Variants in SLC25A48 observed in about 807,000 individuals in gnomAD.
SLC25A48 encodes CTC-321K16.1.
Under a neutral mutation model 32.2 loss-of-function variants are expected in SLC25A48, and 29 were observed. The ratio of observed to expected loss-of-function variants is 0.90; its 90% CI spans 0.67 to 1.23. SLC25A48 has a LOEUF of 1.23. Ranked by LOEUF, SLC25A48 falls within the 50% of genes most tolerant of loss-of-function variation. The pLI is 0.00. For synonymous variants in SLC25A48, 164 were observed against 172.3 expected, an observed-to-expected ratio of 0.95 and a Z score of 0.38; for missense variants, 399 against 422.7, an observed-to-expected ratio of 0.94 and a Z score of 0.49.
At chr5:135,744,493 C>G (rs1009857313) in intron 3 of SLC25A48, among the ~76,000 whole-genome samples, 11 of 84,052 alleles carry the variant, frequency 1.3e-4, no homozygotes, top group African/African-American at 4.0e-4. Context: ...CACGCATCAC[C>G]ATGCCAGCTA....
At position 135,658,308 on chromosome 5, in the gene SLC25A48, AAGGC is replaced by A. The variant is rs1322530575; in HGVS notation, c.-521+23355_-521+23358del. Among the ~76,000 whole-genome samples, 13 of 152,348 alleles carry A rather than the reference AAGGC, an allele frequency of 8.5e-5. No homozygotes were observed. In the South Asian group the frequency reaches 1.7e-3, roughly 19 times the overall value. On this transcript the variant is annotated intron_variant, in intron 3 of 10. Transcript: ENST00000646290. The stretch of plus-strand genomic sequence containing the variant: ...GCTCTGTGCAAGTCTGAAACCCAGC[AAGGC>A]AGTCATTAAATTTTAAAGCCCCAGA...
chr5:135,679,576 G>C (rs953107669), intron 3 of SLC25A48, among the ~76,000 whole-genome samples: 1 of 152,244 alleles, frequency 6.6e-6, no homozygotes, highest in African/African-American at 2.4e-5. Context: ...GGCATCTGCT[G>C]CAGGAAGGGG....
Position 135,592,662 on chromosome 5 carries a change from A to T in SLC25A48, c.-849+13065A>T, listed in dbSNP as rs868449508. ...GTGAGCGTGTGTGTATGTGTGTGTG[A>T]GAGAGAGATTGAGAGAGAGACAGTG... On this transcript the variant is annotated intron_variant, in intron 1 of 10. Coordinates refer to the SLC25A48 transcript ENST00000646290. Among the ~76,000 whole-genome samples the T allele has an allele frequency of 1.8e-4, 27 of 152,096 alleles. No individual in the cohort carries two copies. In the Middle Eastern group the frequency reaches 0.01, roughly 57 times the overall value.
At chr5:135,664,061 C>G (rs1660237115) in intron 3 of SLC25A48, among the ~76,000 whole-genome samples, 1 of 152,208 alleles carries the variant, frequency 6.6e-6, no homozygotes, top group Non-Finnish European at 1.5e-5. Flanking sequence ...TCCTCCCTCT[C>G]TGTTGCTAGG....
At chr5:135,586,744 G>T (rs1188338127) in intron 1 of SLC25A48, among the ~76,000 whole-genome samples, 1 of 152,186 alleles carries the variant, frequency 6.6e-6, no homozygotes, top group Non-Finnish European at 1.5e-5. Flanking sequence ...CCCTGTGTGT[G>T]TAGGGCAGGG....
intron 1 of SLC25A48, among the ~76,000 whole-genome samples, chr5:135,601,952 T>C (rs1751806774): frequency 2.0e-5 from 3 of 152,212 alleles, no homozygotes; most frequent in Admixed American, 1.3e-4. Context: ...TGCACAGGTT[T>C]ATAGTGAGGA....
intron 4 of SLC25A48, among the ~76,000 whole-genome samples, chr5:135,854,655 G>A (rs1760161956): frequency 6.6e-6 from 1 of 152,188 alleles, no homozygotes; most frequent in Non-Finnish European, 1.5e-5. Flanking sequence ...CTCATTTGAT[G>A]TTCTATCCAG....
intron 3 of SLC25A48, among the ~76,000 whole-genome samples, chr5:135,641,829 C>G (rs946144248): frequency 2.6e-5 from 4 of 152,198 alleles, no homozygotes; most frequent in African/African-American, 7.2e-5. Context: ...CACCATCATC[C>G]CCTTCATCAC....
At chr5:135,869,387 G>A (rs1223197868) in intron 4 of SLC25A48, among the ~76,000 whole-genome samples, 1 of 152,138 alleles carries the variant, frequency 6.6e-6, no homozygotes, top group Non-Finnish European at 1.5e-5. Context: ...GAATGAGAGA[G>A]AATTTCCTTA....
At chr5:135,820,214 A>G (rs1024848480) in intron 4 of SLC25A48, among the ~76,000 whole-genome samples, 4 of 152,222 alleles carry the variant, frequency 2.6e-5, no homozygotes, top group African/African-American at 7.2e-5. Flanking sequence ...ACATAACAGT[A>G]TACTACTCCT....
intron 1 of SLC25A48, 117 bp from the exon 2 acceptor site, chr5:135,842,299 C>T: frequency 9.5e-7 from 1 of 1,052,396 alleles, no homozygotes; most frequent in Non-Finnish European, 1.5e-6. Context: ...CCACCCACTC[C>T]CCCTACCCCA....
rs72667123 is a variant in SLC25A48 at position 135,788,243 on chromosome 5, T to A, written c.-520-24280T>A. Among the ~76,000 whole-genome samples the A allele has an allele frequency of 1.5e-4, 23 of 150,064 alleles. No individual in the cohort carries two copies. The East Asian group carries it at 4.5e-3, about 29-fold the overall frequency. ...GCTGTATGGTCAGTAATATCCAGAA[T>A]GGGGAGAGGGTGATATTATTCACTA... On this transcript the variant is annotated intron_variant, in intron 3 of 10. Transcript: ENST00000646290.
chr5:135,789,283 G>A (rs1248027191), intron 3 of SLC25A48, among the ~76,000 whole-genome samples: 2 of 148,214 alleles, frequency 1.3e-5, no homozygotes, highest in Admixed American at 6.7e-5. Context: ...TACACCCCCT[G>A]CCATATGTTT....
intron 3 of SLC25A48, among the ~76,000 whole-genome samples, chr5:135,790,729 T>C (rs1223053471): frequency 6.6e-6 from 1 of 151,866 alleles, no homozygotes; most frequent in Non-Finnish European, 1.5e-5. Flanking sequence ...GTATACACTG[T>C]GTGATATTAT....
At chr5:135,883,247 C>T in intron 7 of SLC25A48, 1 of 985,472 alleles carries the variant, frequency 1.0e-6, no homozygotes, top group South Asian at 4.7e-5. Flanking sequence ...GAGCTTCTGC[C>T]TTGGAGGGAT....
chr5:135,847,115 T>C (rs917318815), intron 2 of SLC25A48, among the ~76,000 whole-genome samples: 2 of 152,222 alleles, frequency 1.3e-5, no homozygotes, highest in African/African-American at 4.8e-5. Flanking sequence ...ATGAGTGCTC[T>C]GGACACCTCA....
intron 3 of SLC25A48, among the ~76,000 whole-genome samples, chr5:135,733,935 G>T (rs1755291251): frequency 6.6e-6 from 1 of 152,122 alleles, no homozygotes; most frequent in South Asian, 2.1e-4. Context: ...GGGTGGATAG[G>T]TAAAACAATT....
intron 1 of SLC25A48, among the ~76,000 whole-genome samples, chr5:135,599,394 T>C (rs762230769): frequency 1.3e-5 from 2 of 152,228 alleles, no homozygotes; most frequent in Admixed American, 6.5e-5. Context: ...TCCTGTCAGA[T>C]TCTGATAGGC....
At chr5:135,821,970 A>G (rs1361405567) in intron 4 of SLC25A48, 1 of 152,268 alleles carries the variant, frequency 6.6e-6, no homozygotes, top group Non-Finnish European at 1.5e-5. Flanking sequence ...TGCACCTGCC[A>G]TCTTGCTGAG....
Sources: allele counts gnomAD v4.1 joint callset (sites outside exome capture counted in the v4.1 genomes callset), GRCh38; gene constraint gnomAD v4.1.1; transcripts MANE v1.5; gene names NCBI Gene and HGNC (gene_info 2026-07-23, HGNC 2026-07-21).